NKAP: variants seen among roughly 807,000 people sequenced by gnomAD.
The protein encoded by NKAP is NFKB activating protein.
NKAP carries 4 observed loss-of-function variants against 35.6 expected under a neutral mutation model. The observed-to-expected ratio is 0.11, with a 90% CI of 0.06 to 0.26. NKAP has a LOEUF of 0.26. Among genes scored for constraint, NKAP ranks in the 10% least tolerant of loss-of-function variants. The pLI is 1.00. For missense variants in NKAP, 238 were observed against 321.9 expected, an observed-to-expected ratio of 0.74 and a Z score of 1.99; for synonymous variants, 106 against 119.2, an observed-to-expected ratio of 0.89 and a Z score of 0.72.
At chrX:119,940,523 T>G (rs2056788346) in intron 1 of NKAP, among the ~76,000 whole-genome samples, 1 of 111,804 alleles carries the variant, frequency 8.9e-6, no homozygotes, top group East Asian at 2.8e-4. Context: ...CTGTTTTAAT[T>G]TTTGTTATTC....
intron 8 of NKAP, among the ~76,000 whole-genome samples, chrX:119,927,061 CAAAAAAA>C (rs757523569): frequency 3.0e-5 from 1 of 33,290 alleles, no homozygotes; most frequent in Non-Finnish European, 5.2e-5. Context: ...AACTAGGTCT[CAAAAAAA>C]AAAAAAAAAA....
intron 5 of NKAP, 138 bp downstream of exon 5, chrX:119,934,356 C>T: frequency 2.9e-6 from 1 of 349,510 alleles, no homozygotes; most frequent in Admixed American, 7.2e-5. Flanking sequence ...TCGCTTGAAC[C>T]TGGGAGGCGG....
intron 4 of NKAP, 80 bp from the exon 5 acceptor site, chrX:119,934,637 C>T: frequency 3.2e-6 from 2 of 616,387 alleles, no homozygotes; most frequent in Admixed American, 3.7e-5. Context: ...GGTAACTATC[C>T]TATTGCTGTC....
Position 119,932,201 on chromosome X carries a change from T to A in NKAP, c.753A>T (p.Lys251Asn). 8.5e-7 allele frequency: 1 copy of A among 1,171,865 alleles called. No homozygotes were observed. Among genetic ancestry groups the A allele is most frequent in the African/African-American group, 1.8e-5 (1 of 56,480 alleles). Residue 251 changes from lysine to asparagine, a missense_variant, in exon 6 of 9, where the codon AAA becomes AAT. Lys to Asn is a moderately conservative substitution (Grantham distance 94). Around this residue, in one of 5 missense-constraint regions of NKAP, gnomAD observed 89 missense variants for 91.7 expected, o/e 0.97. Transcript: ENST00000371410. The stretch of plus-strand genomic sequence containing the variant: ...CTTTTCTGCTCTTCTTAGACCTCTT[T>A]TTCTTATATTTCTTCCTATAGGGAT... ...KKKHRSKKYKKKRSKKSRKES... is the reference protein window; with the variant it reads ...KKKHRSKKYKNKRSKKSRKES...
chrX:119,923,966 T>C lies in NKAP; in HGVS notation c.*1254A>G, dbSNP rs1461571378. 9.1e-6 allele frequency: 1 copy of C among 110,297 alleles called. No individual in the cohort carries two copies. Among genetic ancestry groups the C allele is most frequent in the Admixed American group, 9.7e-5 (1 of 10,340 alleles). 9.1% of individuals were successfully genotyped at this position (110,297 alleles called of 1,213,427 possible). On this transcript the variant is annotated 3_prime_UTR_variant, in exon 9 of 9. Transcript: ENST00000371410. ...CGAGATTCCATCTCAAAAAAAACAA[T>C]TTAAAATATCTAATGTTCACATTTT...
In NKAP at chrX:119,942,414, G is replaced by A. The variant is rs72607665; in HGVS notation, c.386+806C>T. 7.5e-4 allele frequency among the ~76,000 whole-genome samples: 84 copies of A among 111,735 alleles called. 4 individuals are homozygous for A. The East Asian group carries it at 0.011, about 15-fold the overall frequency. ...ACTTGAGCCCAAGAAGGTGGAGGCT[G>A]CAGTGAGCCAAGATTGCACCACTGC... On this transcript the variant is annotated intron_variant, in intron 1 of 8. Coordinates refer to ENST00000371410, the MANE Select transcript of NKAP (RefSeq NM_024528.4).
intron 4 of NKAP, among the ~76,000 whole-genome samples, chrX:119,934,988 C>T (rs194305): frequency 0.16 from 17,431 of 111,089 alleles, 1,151 homozygotes; most frequent in South Asian, 0.35. Context: ...CTATTCTCTT[C>T]GCTTTTCTGA....
At position 119,925,006 on chromosome X, in the gene NKAP, C is replaced by T. The variant is rs1309086626; in HGVS notation, c.*214G>A. 4.8e-6 allele frequency: 2 copies of T among 419,750 alleles called. No homozygotes were observed. The allele number at this position is 419,750 out of a possible 1,213,427, so 34.6% of individuals were successfully genotyped here. On this transcript the variant is annotated 3_prime_UTR_variant, in exon 9 of 9. Transcript: ENST00000371410. ...CAGCCCATAATTTGGATTTTTAAAC[C>T]AGAAAGTTACTATGGTCAATCCAAA...
At chrX:119,937,685 C>T (rs1312769280) in intron 2 of NKAP, 1 of 105,911 alleles carries the variant, frequency 9.4e-6, no homozygotes, top group Non-Finnish European at 1.9e-5. Context: ...CATTCAGGTT[C>T]TTCAAGTGTT....
In NKAP at chrX:119,943,695, C is replaced by T. The variant is rs976682826; in HGVS notation, c.-90G>A. On this transcript the variant is annotated 5_prime_UTR_variant, in exon 1 of 9. Transcript: ENST00000371410. ...TGTTGCCTTGGTTCCCGGGACCTGC[C>T]GCTGCGGAACAGCCCAAATCTGAGG... 55 of 1,008,267 alleles carry T rather than the reference C, an allele frequency of 5.5e-5. No individual in the cohort carries two copies. The highest frequency in any genetic ancestry group is 1.0e-4 in the Admixed American group (3 of 28,696). 83.1% of individuals were successfully genotyped at this position (1,008,267 alleles called of 1,213,427 possible).
intron 2 of NKAP, chrX:119,937,847 T>G (rs2056774278): frequency 9.1e-6 from 1 of 110,280 alleles, no homozygotes; most frequent in African/African-American, 3.3e-5. Context: ...TTTCTAAAGG[T>G]ATCTGTAAGA....
chrX:119,942,725 C>T (rs781093121), intron 1 of NKAP: 1 of 111,746 alleles, frequency 8.9e-6, no homozygotes, highest in South Asian at 3.8e-4. Context: ...TTCCTAATTC[C>T]CCACAAAACG....
chrX:119,943,016 G>T (rs2056800725), intron 1 of NKAP: 1 of 448,245 alleles, frequency 2.2e-6, no homozygotes, highest in Admixed American at 4.6e-5. Flanking sequence ...GGAGACCAGG[G>T]CACTATATGA....
intron 8 of NKAP, among the ~76,000 whole-genome samples, chrX:119,925,929 C>CTTTTTCTTTT (rs2056709384): frequency 8.6e-5 from 4 of 46,427 alleles, no homozygotes; most frequent in African/African-American, 1.7e-4. Flanking sequence ...ATCCTTTTTT[C>CTTTTTCTTTT]TTTTTTTTTT....
At chrX:119,929,774 A>T (rs781780748) in intron 8 of NKAP, among the ~76,000 whole-genome samples, 10 of 112,188 alleles carry the variant, frequency 8.9e-5, no homozygotes, top group Non-Finnish European at 1.9e-4. Flanking sequence ...AGGAAAGGAC[A>T]TTAGGAAGAT....
rs2056802336 is a variant in NKAP at position 119,943,283 on chromosome X, T to C, written c.323A>G (p.Tyr108Cys). The change falls in exon 1 of 9, where the codon TAC becomes TGC. Residue 108 changes from tyrosine (Y) to cysteine (C), a missense_variant. This residue lies in a region of NKAP where 123 missense variants were observed against 115.3 expected (regional missense o/e 1.07). Coordinates refer to ENST00000371410, the MANE Select transcript of NKAP (RefSeq NM_024528.4). ...SVYYGSYSRP[Y>C]GSDKPWPSLL... ...GCTAGGCCAAGGCTTGTCGCTCCCG[T>C]AGGGGCGCGAGTAGCTGCCGTAATA... The C allele has an allele frequency of 2.5e-6, 3 of 1,210,434 alleles. No homozygotes were observed. The highest frequency in any genetic ancestry group is 5.9e-5 in the East Asian group (2 of 33,787).
Position 119,932,261 on chromosome X carries a change from G to A in NKAP, c.738-45C>T, listed in dbSNP as rs1246022666. 4 of 906,047 alleles carry A rather than the reference G, an allele frequency of 4.4e-6. No homozygotes were observed. In the African/African-American group the frequency reaches 8.1e-5, roughly 18 times the overall value. The allele number at this position is 906,047 out of a possible 1,213,427, so 74.7% of individuals were successfully genotyped here. A position where few individuals can be genotyped will look rare whatever the true frequency, so the allele number is the denominator to read the frequency against. The stretch of plus-strand genomic sequence containing the variant: ...ATACAAATTCACTTAATCTTCCTAT[G>A]TTAGAGGGCATCTTAATTTTTCTTT... On this transcript the variant is annotated intron_variant, in intron 5 of 8. Transcript: ENST00000371410.
At position 119,943,528 on chromosome X, in the gene NKAP, C is replaced by T. The variant is rs1452331484; in HGVS notation, c.78G>A (p.Lys26=). Residue 26 remains lysine, a synonymous_variant, in exon 1 of 9, where the codon AAG becomes AAA. Coordinates refer to ENST00000371410, the MANE Select transcript of NKAP (RefSeq NM_024528.4). The part of the protein sequence containing the change: ...GSGGRRRSSS[K]SPKPSKSARS... ...GGGCAGATTTGCTGGGCTTCGGACT[C>T]TTCGACGAACTGCGACGTCTTCCCC... is the stretch of plus-strand genomic sequence containing the variant. 1 of 1,208,367 alleles carries T rather than the reference C, an allele frequency of 8.3e-7. No homozygotes were observed. The highest frequency in any genetic ancestry group is 1.1e-6 in the Non-Finnish European group (1 of 893,912).
chrX:119,929,943 A>C, intron 8 of NKAP, 73 bp downstream of exon 8: 1 of 1,015,606 alleles, frequency 9.8e-7, no homozygotes, highest in Non-Finnish European at 1.3e-6. Context: ...TCAATTACCA[A>C]AATATAATTC....
Sources: allele counts gnomAD v4.1 joint callset (sites outside exome capture counted in the v4.1 genomes callset), GRCh38; gene constraint gnomAD v4.1.1; regional missense constraint gnomAD v4.1.1; transcripts MANE v1.5; gene names NCBI Gene and HGNC (gene_info 2026-07-23, HGNC 2026-07-21).